Variants in GRIK3 observed in about 807,000 individuals in gnomAD.
GRIK3 encodes the protein glutamate receptor ionotropic, kainate 3.
GRIK3 carries 29 observed loss-of-function variants against 102.5 expected under a neutral mutation model. The observed-to-expected ratio is 0.28, with a 90% CI of 0.21 to 0.39. GRIK3 has a LOEUF of 0.39. Among genes scored for constraint, GRIK3 ranks in the 10% least tolerant of loss-of-function variants. The probability of loss-of-function intolerance (pLI) is 1.00; values close to 1 mark genes in which losing one functional copy is unlikely to be tolerated. For missense variants in GRIK3, 908 were observed against 1,252.4 expected, an observed-to-expected ratio of 0.73 and a Z score of 4.15; for synonymous variants, 511 against 504.9, an observed-to-expected ratio of 1.01 and a Z score of -0.16.
chr1:36,997,558 G>C (rs759663516), intron 1 of GRIK3, among the ~76,000 whole-genome samples: 1 of 152,216 alleles, frequency 6.6e-6, no homozygotes, highest in Admixed American at 6.5e-5. Flanking sequence ...GGTGGGTCAG[G>C]TTGCAACCAC....
rs115238546 is a variant in GRIK3 at position 36,852,085 on chromosome 1, T to C, written c.1212+1530A>G. On this transcript the variant is annotated intron_variant, in intron 8 of 15. Coordinates refer to ENST00000373091, the MANE Select transcript of GRIK3 (RefSeq NM_000831.4). The stretch of plus-strand genomic sequence containing the variant: ...AAATAGAAGCTGGAAGATCGCTTGA[T>C]GAGAACTCATAGAGTTTGTGTAGGG... 2.8e-3 allele frequency among the ~76,000 whole-genome samples: 431 copies of C among 152,280 alleles called. 1 individual carries two copies. The highest frequency in any genetic ancestry group is 9.9e-3 in the African/African-American group (410 of 41,548).
At position 37,034,238 on chromosome 1, in the gene GRIK3, G is replaced by C. The variant is rs1642862872; in HGVS notation, c.-130C>G. On this transcript the variant is annotated 5_prime_UTR_variant, in exon 1 of 16. Coordinates refer to ENST00000373091, the MANE Select transcript of GRIK3 (RefSeq NM_000831.4). ...AGCCGCCCGGCTCCCGAGCGCCGCTGCAAGTGGGGGGCGCCCCGCGGCGCC... is the reference window on the plus strand; with the variant it reads ...AGCCGCCCGGCTCCCGAGCGCCGCTCCAAGTGGGGGGCGCCCCGCGGCGCC... 1 of 166,732 alleles carries C rather than the reference G, an allele frequency of 6.0e-6. No individual in the cohort carries two copies. The highest frequency in any genetic ancestry group is 1.3e-5 in the Non-Finnish European group (1 of 78,988). 10.3% of individuals were successfully genotyped at this position (166,732 alleles called of 1,614,324 possible).
chr1:36,804,690 G>T (rs1642478286), intron 15 of GRIK3: 2 of 512,700 alleles, frequency 3.9e-6, no homozygotes, highest in Non-Finnish European at 6.8e-6. Flanking sequence ...GGTACCAGTT[G>T]CTGTGTGAAT....
intron 1 of GRIK3, among the ~76,000 whole-genome samples, chr1:36,929,830 G>A (rs994894074): frequency 3.9e-5 from 6 of 152,272 alleles, no homozygotes; most frequent in Admixed American, 6.5e-5. Flanking sequence ...AACTTCGTTG[G>A]ATGGTTCTGG....
intron 2 of GRIK3, among the ~76,000 whole-genome samples, chr1:36,887,419 T>G (rs537824601): frequency 2.7e-4 from 41 of 152,308 alleles, no homozygotes; most frequent in African/African-American, 9.9e-4. Context: ...AATGCATATA[T>G]GCAATAGAGA....
chr1:36,814,309 A>G (rs751051596), intron 13 of GRIK3, among the ~76,000 whole-genome samples: 4 of 152,068 alleles, frequency 2.6e-5, no homozygotes, highest in African/African-American at 4.8e-5. Flanking sequence ...CTGCTTAGAG[A>G]TGGGTTCATG....
intron 1 of GRIK3, among the ~76,000 whole-genome samples, chr1:36,912,024 C>A (rs534998040): frequency 1.2e-4 from 18 of 152,240 alleles, no homozygotes; most frequent in Admixed American, 3.3e-4. Context: ...CCCATCCAGC[C>A]CAGCCTCTCT....
chr1:36,865,681 A>G (rs1263990565), intron 5 of GRIK3, among the ~76,000 whole-genome samples: 1 of 152,128 alleles, frequency 6.6e-6, no homozygotes, highest in African/African-American at 2.4e-5. Context: ...CGACCCTCAG[A>G]TTGTGTGGGG....
intron 13 of GRIK3, 33 bp downstream of exon 13, chr1:36,817,027 C>G: frequency 6.9e-7 from 1 of 1,455,626 alleles, no homozygotes; most frequent in Non-Finnish European, 9.6e-7. Context: ...AGGATCAGCT[C>G]ACGGTGCTGC....
chr1:36,836,073 A>G (rs917218002), intron 10 of GRIK3, among the ~76,000 whole-genome samples: 3 of 152,180 alleles, frequency 2.0e-5, no homozygotes, highest in Middle Eastern at 3.4e-3. Flanking sequence ...CAGGATTCTG[A>G]CTTGCCCTGG....
At chr1:36,816,818 A>T (rs573378026) in intron 13 of GRIK3, among the ~76,000 whole-genome samples, 1 of 152,196 alleles carries the variant, frequency 6.6e-6, no homozygotes, top group African/African-American at 2.4e-5. Context: ...ATCATAACAC[A>T]TTCACATTGC....
rs563161104 is a variant in GRIK3, at chr1:36,800,735, A to G, written c.*1116T>C. ...CTTTTGGTCTCTTCTGGTTTCCCTC[A>G]CCTAGCCCAAAGTTAGTCTGTGTAG... On this transcript the variant is annotated 3_prime_UTR_variant, in exon 16 of 16. Transcript: ENST00000373091. 24 of 152,254 alleles carry G rather than the reference A, an allele frequency of 1.6e-4. No individual in the cohort carries two copies. The highest frequency in any genetic ancestry group is 5.8e-4 in the African/African-American group (24 of 41,542). 9.4% of individuals were successfully genotyped at this position (152,254 alleles called of 1,614,324 possible).
At chr1:36,869,118 A>G (rs1429548919) in intron 5 of GRIK3, among the ~76,000 whole-genome samples, 1 of 152,208 alleles carries the variant, frequency 6.6e-6, no homozygotes, top group African/African-American at 2.4e-5. Flanking sequence ...GAATCTCTTT[A>G]TTCTGCTGAA....
At chr1:36,910,688 G>A (rs1641334825) in intron 1 of GRIK3, among the ~76,000 whole-genome samples, 2 of 152,242 alleles carry the variant, frequency 1.3e-5, no homozygotes, top group Admixed American at 6.5e-5. Context: ...TGTCCTGGGA[G>A]AGGAAAGGGA....
At chr1:36,835,868 C>G (rs1640371674) in intron 10 of GRIK3, among the ~76,000 whole-genome samples, 1 of 152,138 alleles carries the variant, frequency 6.6e-6, no homozygotes. Context: ...CTGGAGCTGA[C>G]AGTTCTGCAG....
rs530114907 is a variant in GRIK3, at chr1:36,884,452, C to T, written c.293-3561G>A. ...CCGTCTGGGGGTGTTGCATATCTTC[C>T]CCGACAACCTTGTCCCCTTCAGATT... On this transcript the variant is annotated intron_variant, in intron 2 of 15. Coordinates refer to ENST00000373091, the MANE Select transcript of GRIK3 (RefSeq NM_000831.4). 3.3e-5 allele frequency among the ~76,000 whole-genome samples: 5 copies of T among 152,276 alleles called. No individual in the cohort carries two copies. In the East Asian group the frequency reaches 7.7e-4, roughly 24 times the overall value.
At chr1:36,853,572 C>A (rs1338337951) in intron 8 of GRIK3, 43 bp downstream of exon 8, 4 of 1,281,098 alleles carry the variant, frequency 3.1e-6, no homozygotes, top group East Asian at 2.3e-5. Flanking sequence ...ATTTAAGAAG[C>A]CCCTGCTCCT....
chr1:36,936,984 G>C (rs1171954265), intron 1 of GRIK3, among the ~76,000 whole-genome samples: 1 of 152,206 alleles, frequency 6.6e-6, no homozygotes, highest in African/African-American at 2.4e-5. Flanking sequence ...CCCACAGAGT[G>C]AATGATCACA....
intron 1 of GRIK3, among the ~76,000 whole-genome samples, chr1:36,939,226 C>A (rs941457544): frequency 2.0e-5 from 3 of 152,320 alleles, no homozygotes; most frequent in African/African-American, 4.8e-5. Flanking sequence ...GGGAGCGGGG[C>A]GGAGAGGTGC....
Sources: gnomAD v4.1 joint callset for allele counts (sites outside exome capture counted in the v4.1 genomes callset) on GRCh38, gnomAD v4.1.1 for gene constraint, MANE v1.5 for transcripts, NCBI Gene and HGNC (gene_info 2026-07-23, HGNC 2026-07-21) for gene names.